Variants in MLLT10 observed in about 807,000 individuals in gnomAD.
The protein encoded by MLLT10 is MLLT10 histone lysine methyltransferase DOT1L cofactor, also known as protein AF-10.
In MLLT10, 30 loss-of-function variants were observed where a neutral mutation model predicts 129.1. The ratio of observed to expected loss-of-function variants is 0.23; its 90% CI spans 0.17 to 0.32. The LOEUF (loss-of-function observed/expected upper bound fraction) is 0.32. Ranked by LOEUF, MLLT10 falls within the 10% of genes least tolerant of loss-of-function variation. The pLI is 1.00. For missense variants in MLLT10, 1,119 were observed against 1,268.3 expected, an observed-to-expected ratio of 0.88 and a Z score of 1.79; for synonymous variants, 490 against 446.4, an observed-to-expected ratio of 1.10 and a Z score of -1.23.
chr10:21,655,008 T>G lies in MLLT10; in HGVS notation c.795+3240T>G, dbSNP rs562109625. Among the ~76,000 whole-genome samples, 11 of 152,112 alleles carry G rather than the reference T, an allele frequency of 7.2e-5. No individual in the cohort carries two copies. In the South Asian group the frequency reaches 2.1e-3, roughly 29 times the overall value. On this transcript the variant is annotated intron_variant, in intron 9 of 22. Coordinates refer to ENST00000307729, the MANE Select transcript of MLLT10 (RefSeq NM_001195626.3). ...GGCAACTCAGTAAGACCTCAAAGAT[T>G]GTTGGAGTAGTAAAGAGTGAATTAG...
chr10:21,600,345 A>G (rs970475089), intron 5 of MLLT10, among the ~76,000 whole-genome samples: 2 of 150,724 alleles, frequency 1.3e-5, no homozygotes, highest in African/African-American at 5.0e-5. Context: ...TATTTTTACA[A>G]TATTGAATCT....
At chr10:21,738,328 C>A in intron 21 of MLLT10, 1 of 1,083,304 alleles carries the variant, frequency 9.2e-7, no homozygotes, top group Non-Finnish European at 1.2e-6. Flanking sequence ...TTACCAGTTG[C>A]CTCATCTTAA....
chr10:21,683,857 C>T (rs1453841445), intron 13 of MLLT10, among the ~76,000 whole-genome samples: 1 of 151,962 alleles, frequency 6.6e-6, no homozygotes, highest in East Asian at 1.9e-4. Context: ...CCCAGGTGGA[C>T]TCCTAAAGTG....
chr10:21,593,874 C>T (rs1242629212), intron 4 of MLLT10, among the ~76,000 whole-genome samples: 3 of 130,034 alleles, frequency 2.3e-5, no homozygotes, highest in South Asian at 2.3e-4. Flanking sequence ...TGTAGTGAGC[C>T]GAAATCATGC....
At chr10:21,695,061 CTTTTTTTTTTTTT>C (rs71393922) in intron 13 of MLLT10, among the ~76,000 whole-genome samples, 1 of 104,036 alleles carries the variant, frequency 9.6e-6, no homozygotes, top group Admixed American at 1.1e-4. Context: ...TTTCTACCTT[CTTTTTTTTTTTTT>C]TTTTTTTGTT....
chr10:21,698,008 G>T (rs2054534845), intron 13 of MLLT10, among the ~76,000 whole-genome samples: 1 of 152,212 alleles, frequency 6.6e-6, no homozygotes, highest in Non-Finnish European at 1.5e-5. Flanking sequence ...TACTGAGCAA[G>T]TCAGGGTATG....
In MLLT10 at chr10:21,715,284, C is replaced by G. The variant is rs752827743; in HGVS notation, c.1878+1334C>G. Among the ~76,000 whole-genome samples, 10 of 152,276 alleles carry G rather than the reference C, an allele frequency of 6.6e-5. No homozygotes were observed. In the South Asian group the frequency reaches 1.2e-3, roughly 19 times the overall value. ...GTATTAGAATCAACCCCAGATAGTT[C>G]AGCACAGAAAAGCAATGGCATGATT... On this transcript the variant is annotated intron_variant, in intron 14 of 22. Coordinates refer to ENST00000307729, the MANE Select transcript of MLLT10 (RefSeq NM_001195626.3).
intron 3 of MLLT10, among the ~76,000 whole-genome samples, chr10:21,575,466 G>C (rs2131050259): frequency 6.6e-6 from 1 of 152,236 alleles, no homozygotes; most frequent in South Asian, 2.1e-4. Flanking sequence ...CAAAGTGTTG[G>C]GATTACAGGC....
At chr10:21,592,926 G>A (rs575563014) in intron 4 of MLLT10, among the ~76,000 whole-genome samples, 2 of 152,202 alleles carry the variant, frequency 1.3e-5, no homozygotes, top group South Asian at 4.1e-4. Context: ...TTTTCTCTGA[G>A]ACTCTGATTA....
At chr10:21,656,284 G>A (rs2049581017) in intron 9 of MLLT10, among the ~76,000 whole-genome samples, 1 of 152,138 alleles carries the variant, frequency 6.6e-6, no homozygotes, top group Non-Finnish European at 1.5e-5. Flanking sequence ...GAACTTTAGG[G>A]TTCCTTCTAG....
chr10:21,663,675 C>CT (rs1300810405), intron 9 of MLLT10, among the ~76,000 whole-genome samples: 3 of 152,196 alleles, frequency 2.0e-5, no homozygotes, highest in Non-Finnish European at 4.4e-5. Flanking sequence ...CACCATTTTC[C>CT]TGCCTCAGCC....
intron 3 of MLLT10, among the ~76,000 whole-genome samples, chr10:21,566,178 C>T (rs1383842554): frequency 4.0e-5 from 6 of 151,444 alleles, no homozygotes; most frequent in African/African-American, 1.2e-4. Context: ...TGGTCTTGAA[C>T]ATTGAACCTC....
At chr10:21,697,090 T>C (rs7079396) in intron 13 of MLLT10, among the ~76,000 whole-genome samples, 131,511 of 132,626 alleles carry the variant, frequency 0.99, 65,247 homozygotes, top group Non-Finnish European at 1. Context: ...GAATTCTGTC[T>C]GATTTAAGCA....
chr10:21,624,228 A>G (rs1303543282), intron 8 of MLLT10, among the ~76,000 whole-genome samples: 1 of 152,222 alleles, frequency 6.6e-6, no homozygotes, highest in Non-Finnish European at 1.5e-5. Flanking sequence ...AGCATACTCC[A>G]TACTCCTATG....
chr10:21,538,362 C>T (rs1191364209), intron 2 of MLLT10, among the ~76,000 whole-genome samples: 1 of 152,048 alleles, frequency 6.6e-6, no homozygotes, highest in African/African-American at 2.4e-5. Flanking sequence ...AGGGTTTCTT[C>T]ATGTTGGTCA....
chr10:21,577,901 T>C (rs2040957719), intron 3 of MLLT10, among the ~76,000 whole-genome samples: 1 of 152,118 alleles, frequency 6.6e-6, no homozygotes, highest in Admixed American at 6.6e-5. Context: ...TTTTTCATTA[T>C]ATTATTTTTT....
At chr10:21,622,334 T>C (rs996491480) in intron 8 of MLLT10, among the ~76,000 whole-genome samples, 2 of 151,388 alleles carry the variant, frequency 1.3e-5, no homozygotes, top group Admixed American at 6.6e-5. Flanking sequence ...TTTTTTTTTT[T>C]TTTTTTTTAA....
intron 3 of MLLT10, among the ~76,000 whole-genome samples, chr10:21,549,349 A>T (rs1355645029): frequency 6.6e-6 from 1 of 152,106 alleles, no homozygotes; most frequent in East Asian, 1.9e-4. Flanking sequence ...TGACCTCGTC[A>T]TCCGCCCGCC....
At position 21,631,673 on chromosome 10, in the gene MLLT10, A is replaced by C. The variant is rs547869022; in HGVS notation, c.699+14466A>C. Among the ~76,000 whole-genome samples, 3 of 152,252 alleles carry C rather than the reference A, an allele frequency of 2.0e-5. 1 individual carries two copies. The highest frequency in any genetic ancestry group is 2.0e-4 in the Admixed American group (3 of 15,298). On this transcript the variant is annotated intron_variant, in intron 8 of 22. Transcript: ENST00000307729. ...ATGGTGGAGCAGGAGAGAGAAAATG[A>C]AGAGGGAAAGTTTGAAACTGCTACA...
Sources: allele counts gnomAD v4.1 joint callset (sites outside exome capture counted in the v4.1 genomes callset), GRCh38; gene constraint gnomAD v4.1.1; transcripts MANE v1.5; gene names NCBI Gene and HGNC (gene_info 2026-07-23, HGNC 2026-07-21).